The following THEMIS variants were observed in gnomAD, a reference collection of about 807,000 sequenced individuals.
The protein encoded by THEMIS is protein THEMIS.
In THEMIS, 37 loss-of-function variants were observed where a neutral mutation model predicts 52.6. The ratio of observed to expected loss-of-function variants is 0.70; its 90% CI spans 0.54 to 0.93. The LOEUF (loss-of-function observed/expected upper bound fraction) is 0.93. Among genes scored for constraint, THEMIS ranks in the 40% least tolerant of loss-of-function variants. The pLI is 0.00. For missense variants in THEMIS, 808 were observed against 763.1 expected, an observed-to-expected ratio of 1.06 and a Z score of -0.69; for synonymous variants, 292 against 272.7, an observed-to-expected ratio of 1.07 and a Z score of -0.70.
intron 4 of THEMIS, among the ~76,000 whole-genome samples, chr6:127,773,156 G>T (rs1293982958): frequency 6.6e-6 from 1 of 152,136 alleles, no homozygotes. Flanking sequence ...TTATGCCCTG[G>T]AATGTACTTC....
chr6:127,807,218 G>A, intron 4 of THEMIS: 1 of 185,824 alleles, frequency 5.4e-6, no homozygotes, highest in Non-Finnish European at 1.1e-5. Context: ...AAAATTACCT[G>A]GACGTGGTGG....
At chr6:127,900,190 A>T (rs1411180357) in intron 1 of THEMIS, among the ~76,000 whole-genome samples, 1 of 151,882 alleles carries the variant, frequency 6.6e-6, no homozygotes, top group Non-Finnish European at 1.5e-5. Flanking sequence ...GGAGGTTATA[A>T]TGTTCTTTCA....
At chr6:127,849,475 T>C (rs1198886331) in intron 2 of THEMIS, among the ~76,000 whole-genome samples, 2 of 151,818 alleles carry the variant, frequency 1.3e-5, no homozygotes, top group African/African-American at 4.8e-5. Flanking sequence ...AATGACTTTC[T>C]TCACAGAATT....
At chr6:127,822,409 A>C (rs1017659476) in intron 3 of THEMIS, among the ~76,000 whole-genome samples, 1 of 152,088 alleles carries the variant, frequency 6.6e-6, no homozygotes, top group Non-Finnish European at 1.5e-5. Context: ...TCTGCTGTCC[A>C]TATTTCTAAA....
At chr6:127,899,360 A>C (rs528039675) in intron 1 of THEMIS, among the ~76,000 whole-genome samples, 1 of 152,076 alleles carries the variant, frequency 6.6e-6, no homozygotes, top group African/African-American at 2.4e-5. Context: ...ATGTATTGCA[A>C]GGCCATAGTT....
chr6:127,857,181 A>G (rs530294631), intron 1 of THEMIS, among the ~76,000 whole-genome samples: 2 of 152,178 alleles, frequency 1.3e-5, no homozygotes, highest in South Asian at 2.1e-4. Flanking sequence ...ACAATTAAGC[A>G]GACAATTGCA....
chr6:127,703,633 G>T (rs1219348863), downstream of THEMIS, among the ~76,000 whole-genome samples: 1 of 152,092 alleles, frequency 6.6e-6, no homozygotes, highest in Non-Finnish European at 1.5e-5. Context: ...TCACCTAAAA[G>T]GGTATGTATC....
At chr6:127,782,895 T>A (rs1400770774) in intron 4 of THEMIS, among the ~76,000 whole-genome samples, 2 of 152,114 alleles carry the variant, frequency 1.3e-5, no homozygotes, top group Non-Finnish European at 2.9e-5. Context: ...CTACTTTAAA[T>A]TTCATATGGA....
intron 1 of THEMIS, among the ~76,000 whole-genome samples, chr6:127,883,572 C>T (rs1301410933): frequency 6.6e-6 from 1 of 151,784 alleles, no homozygotes; most frequent in Non-Finnish European, 1.5e-5. Context: ...TACAGACTCC[C>T]ATACTTGGTT....
Position 127,709,980 on chromosome 6 carries a change from T to C in THEMIS, c.*5A>G. The C allele has an allele frequency of 6.3e-7, 1 of 1,589,946 alleles. No individual in the cohort carries two copies. The highest frequency in any genetic ancestry group is 8.6e-7 in the Non-Finnish European group (1 of 1,169,556). On this transcript the variant is annotated 3_prime_UTR_variant, in exon 6 of 6. Transcript: ENST00000368248. ...TGCTGCCTAAGTGGCTTCTGTCACA[T>C]CTTGTTATTTTTGATGTTTTTCATT... is the stretch of plus-strand genomic sequence containing the variant.
Position 127,719,815 on chromosome 6 carries a change from G to A in THEMIS, c.1767C>T (p.His589=), listed in dbSNP as rs141530628. Residue 589 remains histidine, a synonymous_variant, in exon 5 of 6, where the codon CAC becomes CAT. Transcript: ENST00000368248. ...GGTGAAGTTTCTTGGTTATGTCTAC[G>A]TGATGACGCTGAAATGACACAGGTC... ...VDLPKSPKRH[H]VDITKKLHPN... is the part of the protein sequence containing the mutation. The A allele has an allele frequency of 1.7e-4, 277 of 1,611,826 alleles. No homozygotes were observed. In the African/African-American group the frequency reaches 2.8e-3, roughly 16 times the overall value.
intron 1 of THEMIS, among the ~76,000 whole-genome samples, chr6:127,895,951 C>T (rs761060782): frequency 1.3e-5 from 2 of 150,908 alleles, no homozygotes; most frequent in Non-Finnish European, 3.0e-5. Flanking sequence ...AAAAGAGATA[C>T]AAACATTCTA....
At chr6:127,846,075 C>T (rs995977530) in intron 2 of THEMIS, among the ~76,000 whole-genome samples, 2 of 151,898 alleles carry the variant, frequency 1.3e-5, no homozygotes, top group African/African-American at 4.8e-5. Context: ...ATACTGAAAA[C>T]ATGGTTTCAA....
chr6:127,824,856 C>T (rs1778453699), intron 3 of THEMIS, among the ~76,000 whole-genome samples: 1 of 152,016 alleles, frequency 6.6e-6, no homozygotes, highest in Non-Finnish European at 1.5e-5. Context: ...ACCCAGGAGG[C>T]GGAGCTTGCA....
chr6:127,863,921 T>C (rs1052878183), intron 1 of THEMIS, among the ~76,000 whole-genome samples: 14 of 152,134 alleles, frequency 9.2e-5, no homozygotes, highest in African/African-American at 3.4e-4. Context: ...GAGCAGCAAA[T>C]GTAGGGAAAT....
At chr6:127,807,838 T>C (rs1289871119) in intron 4 of THEMIS, among the ~76,000 whole-genome samples, 1 of 152,196 alleles carries the variant, frequency 6.6e-6, no homozygotes, top group African/African-American at 2.4e-5. Flanking sequence ...GTAACGTGGA[T>C]TTCTCTAACA....
intron 4 of THEMIS, among the ~76,000 whole-genome samples, chr6:127,735,886 C>G (rs1774988398): frequency 6.6e-6 from 1 of 152,192 alleles, no homozygotes; most frequent in Non-Finnish European, 1.5e-5. Context: ...AGTATATGCT[C>G]TTTTTGAGGA....
intron 1 of THEMIS, among the ~76,000 whole-genome samples, chr6:127,911,681 C>T (rs1781414931): frequency 3.3e-5 from 5 of 151,458 alleles, no homozygotes; most frequent in Admixed American, 2.6e-4. Flanking sequence ...TATTTCTATC[C>T]TTCCACTCCA....
At chr6:127,755,139 C>T (rs1329751964) in intron 4 of THEMIS, among the ~76,000 whole-genome samples, 1 of 152,104 alleles carries the variant, frequency 6.6e-6, no homozygotes, top group Non-Finnish European at 1.5e-5. Flanking sequence ...ATCTACAGAA[C>T]ACGTGTTCCA....
Sources: allele counts gnomAD v4.1 joint callset (sites outside exome capture counted in the v4.1 genomes callset), GRCh38; gene constraint gnomAD v4.1.1; transcripts MANE v1.5; gene names NCBI Gene and HGNC (gene_info 2026-07-23, HGNC 2026-07-21).